Variants in HLCS observed in about 807,000 individuals in gnomAD.
HLCS encodes the protein holocarboxylase synthetase.
A neutral mutation model predicts 75.0 loss-of-function variants in HLCS; 53 were observed. The observed-to-expected ratio is 0.71, with a 90% CI of 0.57 to 0.89. The LOEUF (loss-of-function observed/expected upper bound fraction) is 0.89. HLCS is among the 40% of genes least tolerant of loss of function. The pLI is 0.00. For missense variants in HLCS, 966 were observed against 1,074.0 expected, an observed-to-expected ratio of 0.90 and a Z score of 1.41; for synonymous variants, 431 against 428.6, an observed-to-expected ratio of 1.01 and a Z score of -0.07.
intron 1 of HLCS, among the ~76,000 whole-genome samples, chr21:36,989,279 G>C (rs1386848924): frequency 6.8e-6 from 1 of 146,238 alleles, no homozygotes; most frequent in African/African-American, 2.6e-5. Flanking sequence ...CCAGCGTGCT[G>C]GGATTACAGG....
rs1601811677 is a variant in HLCS, at chr21:36,938,912, T to C, written c.413A>G (p.Asp138Gly). The change falls in exon 3 of 11, where the codon GAC (aspartate) becomes GGC (glycine). Residue 138 changes from aspartate (D) to glycine (G), a missense_variant. Physicochemically the swap from Asp to Gly is moderately conservative, Grantham distance 94. Transcript: ENST00000674895. The stretch of plus-strand genomic sequence containing the variant: ...CGCCACCCCCAGCTTGCTGAAGTTG[T>C]CCACACTTGCTTCAGCAATTAGCCG... Reference protein sequence around the residue: ...PYRLIAEASVDNFSKLGVAFM... With the variant: ...PYRLIAEASVGNFSKLGVAFM... The C allele has an allele frequency of 6.2e-7, 1 of 1,613,986 alleles. No homozygotes were observed.
At chr21:36,791,840 C>A (rs529372059) in intron 6 of HLCS, among the ~76,000 whole-genome samples, 1 of 152,022 alleles carries the variant, frequency 6.6e-6, no homozygotes, top group African/African-American at 2.4e-5. Flanking sequence ...TCCCACCCCA[C>A]CCCCGGCAAA....
intron 5 of HLCS, among the ~76,000 whole-genome samples, chr21:36,904,315 T>A (rs1253909740): frequency 6.6e-6 from 1 of 152,260 alleles, no homozygotes; most frequent in African/African-American, 2.4e-5. Context: ...ATCATTGTTA[T>A]GTCTACTAAT....
At chr21:36,860,753 G>A (rs1358950756) in intron 6 of HLCS, among the ~76,000 whole-genome samples, 1 of 152,206 alleles carries the variant, frequency 6.6e-6, no homozygotes, top group Non-Finnish European at 1.5e-5. Context: ...TATGATAGAT[G>A]CTGTGTATGA....
upstream of HLCS, among the ~76,000 whole-genome samples, chr21:36,968,102 T>C (rs2068682611): frequency 6.6e-6 from 1 of 152,068 alleles, no homozygotes; most frequent in South Asian, 2.1e-4. Flanking sequence ...TCTCTGCAGC[T>C]TCGAACTCTG....
At chr21:36,877,094 A>G (rs1601597905) in intron 6 of HLCS, among the ~76,000 whole-genome samples, 1 of 152,218 alleles carries the variant, frequency 6.6e-6, no homozygotes, top group East Asian at 1.9e-4. Context: ...TTAATGTGGT[A>G]TATAATTTCC....
intron 6 of HLCS, among the ~76,000 whole-genome samples, chr21:36,833,396 C>T (rs2062284037): frequency 6.6e-6 from 1 of 151,114 alleles, no homozygotes; most frequent in African/African-American, 2.4e-5. Flanking sequence ...ACCAGCCTGG[C>T]CAACATGGTG....
chr21:36,767,849 C>T (rs1387718840), intron 6 of HLCS, among the ~76,000 whole-genome samples: 1 of 152,198 alleles, frequency 6.6e-6, no homozygotes, highest in Admixed American at 6.5e-5. Flanking sequence ...CTTCTGAGGA[C>T]GCAGGAGAAC....
At chr21:36,787,810 T>C (rs1476567024) in intron 6 of HLCS, among the ~76,000 whole-genome samples, 1 of 152,158 alleles carries the variant, frequency 6.6e-6, no homozygotes, top group African/African-American at 2.4e-5. Context: ...TGAAGATGCC[T>C]GATCAGCTGT....
Position 36,924,582 on chromosome 21 carries a change from G to A in HLCS, c.1620+5669C>T, listed in dbSNP as rs1046343898. Among the ~76,000 whole-genome samples the A allele has an allele frequency of 8.6e-5, 13 of 151,972 alleles. No individual in the cohort carries two copies. The East Asian group carries it at 1.4e-3, about 16-fold the overall frequency. ...TCTCAAAAAGAAAAACAACAGAAAC[G>A]AAAAATACATAAGCCTCTTCACTGT... On this transcript the variant is annotated intron_variant, in intron 5 of 10. Coordinates refer to ENST00000674895, the MANE Select transcript of HLCS (RefSeq NM_001352514.2).
At chr21:36,935,618 G>C (rs1231711831) in intron 4 of HLCS, among the ~76,000 whole-genome samples, 2 of 152,152 alleles carry the variant, frequency 1.3e-5, no homozygotes, top group African/African-American at 2.4e-5. Context: ...TTTCTCATTA[G>C]AGCATCAAAT....
chr21:36,874,125 A>G (rs751504531), intron 6 of HLCS, among the ~76,000 whole-genome samples: 1 of 152,194 alleles, frequency 6.6e-6, no homozygotes. Context: ...TATGGAGCAC[A>G]TATCTACTTA....
intron 5 of HLCS, among the ~76,000 whole-genome samples, chr21:36,916,153 T>C (rs2065917916): frequency 6.6e-6 from 1 of 151,968 alleles, no homozygotes; most frequent in African/African-American, 2.4e-5. Context: ...AAAAAAATCT[T>C]ATGGAAGTGA....
intron 10 of HLCS, among the ~76,000 whole-genome samples, chr21:36,755,562 C>T (rs140016595): frequency 5.9e-4 from 90 of 152,358 alleles, no homozygotes; most frequent in African/African-American, 2.0e-3. Context: ...TCCATGTTCA[C>T]GTCATTCCCA....
intron 6 of HLCS, among the ~76,000 whole-genome samples, chr21:36,883,736 C>T (rs980267892): frequency 6.6e-6 from 1 of 152,156 alleles, no homozygotes; most frequent in African/African-American, 2.4e-5. Flanking sequence ...GGTGGCCACC[C>T]CACTCCGTGT....
chr21:36,869,654 T>G (rs931938403), intron 6 of HLCS, among the ~76,000 whole-genome samples: 1 of 152,200 alleles, frequency 6.6e-6, no homozygotes, highest in African/African-American at 2.4e-5. Flanking sequence ...CTTTTGATCA[T>G]TCTCATCTTT....
At chr21:36,775,806 C>T (rs139334520) in intron 6 of HLCS, among the ~76,000 whole-genome samples, 49 of 152,334 alleles carry the variant, frequency 3.2e-4, no homozygotes, top group African/African-American at 1.2e-3. Context: ...AGTGCTGCCG[C>T]TATTTCAGAG....
intron 6 of HLCS, among the ~76,000 whole-genome samples, chr21:36,882,836 T>C (rs2064289354): frequency 6.6e-6 from 1 of 152,140 alleles, no homozygotes. Context: ...CTGAAAACTC[T>C]ATTAGCATCA....
At chr21:36,912,066 C>T (rs1486598212) in intron 5 of HLCS, among the ~76,000 whole-genome samples, 1 of 139,864 alleles carries the variant, frequency 7.1e-6, no homozygotes, top group Non-Finnish European at 1.5e-5. Context: ...AGCAAAACTC[C>T]GTCTCAAAAA....
Sources: allele counts gnomAD v4.1 joint callset (sites outside exome capture counted in the v4.1 genomes callset), GRCh38; gene constraint gnomAD v4.1.1; transcripts MANE v1.5; gene names NCBI Gene and HGNC (gene_info 2026-07-23, HGNC 2026-07-21).